Variants in CHLSN observed in about 807,000 individuals in gnomAD.
CHLSN encodes the protein cholesin, also known as protein cholesin.
the CHLSN span, chr7:986,877 T>C: frequency 7.1e-7 from 1 of 1,401,352 alleles, no homozygotes. Flanking sequence ...TGGGGAGGGG[T>C]CCATACCGGT....
chr7:1,066,691 T>C, the CHLSN span, among the ~76,000 whole-genome samples: 12,278 of 152,184 alleles, frequency 0.081, 1,043 homozygotes, highest in African/African-American at 0.22. Context: ...CCCAGCTGTC[T>C]GCCAGGGGCC....
the CHLSN span, among the ~76,000 whole-genome samples, chr7:1,008,375 G>A: frequency 2.0e-5 from 3 of 152,208 alleles, no homozygotes; most frequent in African/African-American, 7.2e-5. Flanking sequence ...GGAGGCAGCA[G>A]CCTCACACCA....
At chr7:1,132,461 G>C in the CHLSN span, among the ~76,000 whole-genome samples, 2 of 152,304 alleles carry the variant, frequency 1.3e-5, no homozygotes, top group Non-Finnish European at 2.9e-5. Flanking sequence ...GGGAGGATGA[G>C]ATGGGAGGAC....
At chr7:1,009,889 C>T in the CHLSN span, 2 of 1,397,422 alleles carry the variant, frequency 1.4e-6, no homozygotes, top group Non-Finnish European at 9.5e-7. Context: ...GGCTTCGACC[C>T]CCTCAGGCAG....
the CHLSN span, chr7:985,124 C>T: frequency 2.0e-4 from 327 of 1,606,176 alleles, 3 homozygotes; most frequent in Admixed American, 7.3e-4. Context: ...GGGGACGCCC[C>T]TCCCCGGGCC....
the CHLSN span, among the ~76,000 whole-genome samples, chr7:1,106,513 A>G: frequency 6.6e-6 from 1 of 151,262 alleles, no homozygotes; most frequent in Non-Finnish European, 1.5e-5. Flanking sequence ...AGGGGCCGAG[A>G]GCTTCCACAG....
chr7:1,108,458 T>C, the CHLSN span, among the ~76,000 whole-genome samples: 3 of 152,176 alleles, frequency 2.0e-5, no homozygotes, highest in African/African-American at 7.2e-5. Flanking sequence ...TTTGCACCTA[T>C]CTGCTGCGGA....
the CHLSN span, chr7:1,043,920 G>A: frequency 6.6e-6 from 1 of 152,294 alleles, no homozygotes; most frequent in African/African-American, 2.4e-5. Context: ...GAACCAGAAT[G>A]TGCTGCAGGG....
At chr7:985,152 C>G in the CHLSN span, 6 of 1,593,368 alleles carry the variant, frequency 3.8e-6, no homozygotes, top group South Asian at 1.1e-5. Flanking sequence ...GCCTGAGGCC[C>G]GTCTCCCTCG....
chr7:1,086,970 C>CT, the CHLSN span: 1 of 152,266 alleles, frequency 6.6e-6, no homozygotes, highest in South Asian at 2.1e-4. Context: ...CTGGCGGTGC[C>CT]TGAGGACCCC....
chr7:1,078,217 G>C, the CHLSN span, among the ~76,000 whole-genome samples: 3 of 152,174 alleles, frequency 2.0e-5, no homozygotes, highest in Non-Finnish European at 2.9e-5. Flanking sequence ...GGATTTCTGC[G>C]GCAGGGCAAG....
chr7:1,104,220 C>T, the CHLSN span, among the ~76,000 whole-genome samples: 15 of 152,228 alleles, frequency 9.9e-5, no homozygotes, highest in African/African-American at 3.1e-4. Context: ...CTGTCAGCAC[C>T]GAGGCAAGGG....
At chr7:1,088,029 G>C in the CHLSN span, 9 of 152,506 alleles carry the variant, frequency 5.9e-5, no homozygotes, top group African/African-American at 2.2e-4. This position sits in a 1 kb window ranked among gnomAD's most constrained non-coding sequence, Gnocchi z 4.5. Context: ...CTTCTGAGGA[G>C]GCCGCCCAGA....
the CHLSN span, among the ~76,000 whole-genome samples, chr7:1,040,550 A>G: frequency 6.6e-6 from 1 of 152,202 alleles, no homozygotes; most frequent in African/African-American, 2.4e-5. Context: ...AATGAACTCA[A>G]ATAGATCATC....
chr7:1,091,510 G>A, the CHLSN span: 11 of 532,886 alleles, frequency 2.1e-5, no homozygotes, highest in Non-Finnish European at 3.6e-5. Flanking sequence ...CTCCACGGAT[G>A]CACCATGCCG....
the CHLSN span, among the ~76,000 whole-genome samples, chr7:1,077,572 G>A: frequency 3.3e-5 from 5 of 152,240 alleles, no homozygotes; most frequent in Admixed American, 6.5e-5. Flanking sequence ...CTTTCTGAAC[G>A]TGCAAGCCCT....
the CHLSN span, among the ~76,000 whole-genome samples, chr7:1,103,091 C>G: frequency 6.6e-6 from 1 of 152,214 alleles, no homozygotes; most frequent in Non-Finnish European, 1.5e-5. Context: ...GATGGGGTCT[C>G]CCGGGCCCTC....
At chr7:1,021,673 C>A in the CHLSN span, 2 of 697,346 alleles carry the variant, frequency 2.9e-6, no homozygotes, top group Non-Finnish European at 3.5e-6. Flanking sequence ...GGAACCCCGG[C>A]AGGTCGGCTG....
At chr7:1,026,291 G>C in the CHLSN span, 1 of 152,258 alleles carries the variant, frequency 6.6e-6, no homozygotes, top group African/African-American at 2.4e-5. Context: ...GCTGCACCTG[G>C]CATTGCTGAA....
Sources: gnomAD v4.1 joint callset for allele counts (sites outside exome capture counted in the v4.1 genomes callset) on GRCh38, gnomAD v4.1.1 for gene constraint, Gnocchi (gnomAD v3.1) non-coding constraint, MANE v1.5 for transcripts, NCBI Gene and HGNC (gene_info 2026-07-23, HGNC 2026-07-21) for gene names.